The following CEP112 variants were observed in gnomAD, a reference collection of about 807,000 sequenced individuals.
CEP112 encodes the protein centrosomal protein 112.
CEP112 carries 127 observed loss-of-function variants against 153.0 expected under a neutral mutation model. The observed-to-expected ratio is 0.83, with a 90% confidence interval of 0.72 to 0.96. The LOEUF (loss-of-function observed/expected upper bound fraction) is 0.96, where lower values mean the gene tolerates loss of function less well. CEP112 is among the 40% of genes least tolerant of loss of function. The probability of loss-of-function intolerance (pLI) is 0.00; values close to 1 mark genes in which losing one functional copy is unlikely to be tolerated. For synonymous variants in CEP112, 358 were observed against 374.4 expected (o/e 0.96, Z 0.51); for missense variants, 1,089 against 1,101.2 (o/e 0.99, Z 0.16).
At chr17:65,797,103 T>C (rs1024257233) in intron 21 of CEP112, 8 of 149,632 alleles carry the variant, frequency 5.3e-5, no homozygotes, top group Admixed American at 2.0e-4. Flanking sequence ...CCATCTTTGA[T>C]AGCCATCATG....
rs1271913870 is a variant in CEP112, at chr17:65,937,611, G to C, written c.1873-9922C>G. Among the ~76,000 whole-genome samples the C allele has an allele frequency of 3.6e-3, 376 of 105,188 alleles. 55 individuals carry two copies. The highest frequency in any genetic ancestry group is 6.3e-3 in the Non-Finnish European group (316 of 50,382). 69.0% of individuals were successfully genotyped at this position (105,188 alleles called of 152,430 possible). ...CCCGGCCAGCCGCCCCGTCCGGGAGGGAGGTGGGGGGGTCAGCCCCCCGCC... is the reference window on the plus strand; with the variant it reads ...CCCGGCCAGCCGCCCCGTCCGGGAGCGAGGTGGGGGGGTCAGCCCCCCGCC... On this transcript the variant is annotated intron_variant, in intron 18 of 26. Coordinates refer to ENST00000535342, the MANE Select transcript of CEP112 (RefSeq NM_001199165.4).
chr17:65,813,507 TGCTTGGAAATA>T (rs147281531), intron 21 of CEP112, among the ~76,000 whole-genome samples: 5,623 of 152,276 alleles, frequency 0.037, 124 homozygotes, highest in Middle Eastern at 0.068. Context: ...TGGTTGGATT[TGCTTGGAAATA>T]GCATGAGAAG....
At chr17:65,891,257 T>C (rs1003864888) in intron 20 of CEP112, among the ~76,000 whole-genome samples, 3 of 152,126 alleles carry the variant, frequency 2.0e-5, no homozygotes, top group Non-Finnish European at 4.4e-5. Flanking sequence ...TCTATCTTAA[T>C]ATTCAATAAG....
At position 65,868,108 on chromosome 17, in the gene CEP112, T is replaced by C. The variant is rs116890696; in HGVS notation, c.2164-16074A>G. On this transcript the variant is annotated intron_variant, in intron 20 of 26. Coordinates refer to ENST00000535342, the MANE Select transcript of CEP112 (RefSeq NM_001199165.4). ...TGTTATATTTGGTTCTTGTTCGTTA[T>C]GTCAAAGTTATGAATGAGGCAAAAC... is the stretch of plus-strand genomic sequence containing the variant. Among the ~76,000 whole-genome samples, 715 of 152,272 alleles carry C rather than the reference T, an allele frequency of 4.7e-3. 2 individuals carry two copies. The highest frequency in any genetic ancestry group is 7.5e-3 in the Non-Finnish European group (507 of 68,016).
chr17:66,081,069 G>A (rs1339178105), intron 8 of CEP112, among the ~76,000 whole-genome samples: 1 of 152,092 alleles, frequency 6.6e-6, no homozygotes. Flanking sequence ...GTAGATGACA[G>A]GTTGATGGGT....
intron 21 of CEP112, among the ~76,000 whole-genome samples, chr17:65,818,205 T>C (rs1350985341): frequency 6.6e-6 from 1 of 151,892 alleles, no homozygotes; most frequent in East Asian, 1.9e-4. Context: ...CACATTTTTC[T>C]TTCACTTGAA....
intron 23 of CEP112, among the ~76,000 whole-genome samples, chr17:65,690,267 T>A (rs1019647199): frequency 1.3e-5 from 2 of 151,430 alleles, no homozygotes; most frequent in South Asian, 2.1e-4. Context: ...TACAATTTTT[T>A]AAAATTTAAT....
At chr17:66,062,291 A>T in intron 11 of CEP112, among the ~76,000 whole-genome samples, 1 of 152,178 alleles carries the variant, frequency 6.6e-6, no homozygotes, top group East Asian at 1.9e-4. Context: ...AATATAATAA[A>T]AATGGACAAT....
At chr17:65,954,506 G>C (rs2061941648) in intron 18 of CEP112, among the ~76,000 whole-genome samples, 1 of 152,110 alleles carries the variant, frequency 6.6e-6, no homozygotes, top group Non-Finnish European at 1.5e-5. Flanking sequence ...TCCAAGCCAA[G>C]ATGAAATCTC....
At chr17:66,104,610 G>A (rs1272471144) in intron 6 of CEP112, among the ~76,000 whole-genome samples, 1 of 152,112 alleles carries the variant, frequency 6.6e-6, no homozygotes, top group African/African-American at 2.4e-5. Flanking sequence ...GAAGACAAAA[G>A]GGAACATTGT....
At chr17:66,000,069 A>G (rs1232205229) in intron 17 of CEP112, among the ~76,000 whole-genome samples, 2 of 152,146 alleles carry the variant, frequency 1.3e-5, no homozygotes, top group African/African-American at 2.4e-5. Flanking sequence ...ACGATTTTCT[A>G]TTCCTTTGGG....
intron 20 of CEP112, among the ~76,000 whole-genome samples, chr17:65,899,503 T>C (rs1458497283): frequency 6.6e-6 from 1 of 152,092 alleles, no homozygotes; most frequent in Non-Finnish European, 1.5e-5. Context: ...ATTATTAGAA[T>C]AACAACCTAT....
At chr17:65,951,570 C>T (rs2144635285) in intron 18 of CEP112, among the ~76,000 whole-genome samples, 1 of 152,176 alleles carries the variant, frequency 6.6e-6, no homozygotes, top group South Asian at 2.1e-4. Context: ...ATAGTGGTAT[C>T]CTATCCTTTG....
intron 18 of CEP112, among the ~76,000 whole-genome samples, chr17:65,928,226 A>G (rs919214516): frequency 1.3e-5 from 2 of 152,236 alleles, no homozygotes; most frequent in Non-Finnish European, 2.9e-5. Context: ...CAAGAATGAC[A>G]TATCACTTCA....
intron 20 of CEP112, among the ~76,000 whole-genome samples, chr17:65,864,474 G>T (rs62065113): frequency 0.14 from 21,446 of 152,056 alleles, 1,526 homozygotes; most frequent in African/African-American, 0.16. Flanking sequence ...CCTAATAACT[G>T]GAGCCCTGAC....
At chr17:65,965,442 G>T (rs1053792221) in intron 17 of CEP112, among the ~76,000 whole-genome samples, 18 of 150,800 alleles carry the variant, frequency 1.2e-4, no homozygotes, top group Non-Finnish European at 2.1e-4. Flanking sequence ...CTCATTCAAT[G>T]TAATTCAATG....
At chr17:65,990,277 G>A (rs1598028967) in intron 17 of CEP112, among the ~76,000 whole-genome samples, 1 of 152,120 alleles carries the variant, frequency 6.6e-6, no homozygotes, top group Non-Finnish European at 1.5e-5. Context: ...CCCCTCAACA[G>A]AAACACCAAA....
At chr17:65,773,078 A>C (rs1162851113) in intron 21 of CEP112, among the ~76,000 whole-genome samples, 1 of 152,224 alleles carries the variant, frequency 6.6e-6, no homozygotes, top group Non-Finnish European at 1.5e-5. Flanking sequence ...CCAGCAGATA[A>C]AGAACTTGTC....
At chr17:66,138,694 A>C (rs2070551620) in intron 4 of CEP112, among the ~76,000 whole-genome samples, 1 of 152,200 alleles carries the variant, frequency 6.6e-6, no homozygotes, top group Non-Finnish European at 1.5e-5. Context: ...AAATATAGTA[A>C]GTACACAAAA....
Sources: gnomAD v4.1 joint callset for allele counts (sites outside exome capture counted in the v4.1 genomes callset) on GRCh38, gnomAD v4.1.1 for gene constraint, MANE v1.5 for transcripts, NCBI Gene and HGNC (gene_info 2026-07-23, HGNC 2026-07-21) for gene names.